The following DLG2 variants were observed in gnomAD, a reference collection of about 807,000 sequenced individuals.
DLG2 encodes the protein discs large MAGUK scaffold protein 2.
A neutral mutation model predicts 132.5 loss-of-function variants in DLG2; 45 were observed. The observed-to-expected ratio is 0.34, with a 90% CI of 0.27 to 0.44. DLG2 has a LOEUF of 0.44. DLG2 is among the 20% of genes least tolerant of loss of function. DLG2 has a pLI of 1.00. For missense variants in DLG2, 1,045 were observed against 1,196.9 expected, an observed-to-expected ratio of 0.87 and a Z score of 1.87; for synonymous variants, 424 against 419.6, an observed-to-expected ratio of 1.01 and a Z score of -0.13.
At chr11:84,283,459 A>T (rs11604154) in intron 7 of DLG2, among the ~76,000 whole-genome samples, 21,112 of 152,196 alleles carry the variant, frequency 0.14, 1,535 homozygotes, top group Admixed American at 0.21. Context: ...ATTAGTGTTT[A>T]TGAAATTAAT....
intron 4 of DLG2, among the ~76,000 whole-genome samples, chr11:85,221,138 G>T (rs1358630053): frequency 6.6e-6 from 1 of 151,740 alleles, no homozygotes; most frequent in Admixed American, 6.6e-5. Flanking sequence ...TGCCCCCTGG[G>T]TTCATGCCAT....
At chr11:84,742,458 G>T (rs2064810554) in intron 6 of DLG2, among the ~76,000 whole-genome samples, 1 of 152,184 alleles carries the variant, frequency 6.6e-6, no homozygotes, top group African/African-American at 2.4e-5. Context: ...GAATTACTCA[G>T]CAGAAACCTT....
At chr11:83,976,121 C>G (rs563020550) in intron 12 of DLG2, among the ~76,000 whole-genome samples, 2 of 151,956 alleles carry the variant, frequency 1.3e-5, no homozygotes, top group African/African-American at 4.8e-5. Context: ...AACATTATAG[C>G]TATTTTACTT....
rs930321827 is a variant in DLG2, at chr11:85,497,065, G to C, written c.40+101592C>G. On this transcript the variant is annotated intron_variant, in intron 3 of 27. Transcript: ENST00000376104. ...CCTCGCCAGCAAGGGAACAAAATGA[G>C]ATGGAGAATGAGTTTGATGAGTTGA... Among the ~76,000 whole-genome samples the C allele has an allele frequency of 2.6e-5, 4 of 152,072 alleles. No individual in the cohort carries two copies. In the East Asian group the frequency reaches 7.7e-4, roughly 29 times the overall value.
chr11:83,574,994 A>G (rs752636945), intron 19 of DLG2, among the ~76,000 whole-genome samples: 12 of 152,214 alleles, frequency 7.9e-5, no homozygotes, highest in Non-Finnish European at 1.5e-4. Context: ...ACTCATTTCC[A>G]TATTCTAAGA....
At chr11:84,799,201 T>C (rs924905569) in intron 6 of DLG2, among the ~76,000 whole-genome samples, 1 of 152,166 alleles carries the variant, frequency 6.6e-6, no homozygotes, top group Non-Finnish European at 1.5e-5. Context: ...GAGCACTTTA[T>C]CTCATGGTGG....
chr11:85,361,518 G>T (rs547130953), intron 3 of DLG2, among the ~76,000 whole-genome samples: 1 of 152,036 alleles, frequency 6.6e-6, no homozygotes, highest in Non-Finnish European at 1.5e-5. Context: ...CCATGTGTAC[G>T]CATTGTTTAG....
intron 3 of DLG2, among the ~76,000 whole-genome samples, chr11:85,305,570 T>G (rs1330500555): frequency 1.3e-5 from 2 of 152,170 alleles, no homozygotes; most frequent in Non-Finnish European, 2.9e-5. Flanking sequence ...TGGAGTGCAG[T>G]GGCGCGATCT....
At chr11:85,055,554 G>T (rs190473106) in intron 6 of DLG2, among the ~76,000 whole-genome samples, 96 of 152,192 alleles carry the variant, frequency 6.3e-4, no homozygotes, top group African/African-American at 2.3e-3. Flanking sequence ...AATGGACTGG[G>T]GAAACAAAAA....
At chr11:84,322,032 A>G (rs1006319724) in intron 7 of DLG2, among the ~76,000 whole-genome samples, 2 of 152,248 alleles carry the variant, frequency 1.3e-5, no homozygotes, top group African/African-American at 4.8e-5. Flanking sequence ...ACAGAAAGTA[A>G]GTGGTTGCTA....
At chr11:84,156,499 C>T (rs966725528) in intron 9 of DLG2, among the ~76,000 whole-genome samples, 4 of 152,158 alleles carry the variant, frequency 2.6e-5, no homozygotes, top group Non-Finnish European at 1.5e-5. Context: ...TTCCTCCCAT[C>T]CTCACTGAAG....
intron 19 of DLG2, among the ~76,000 whole-genome samples, chr11:83,617,871 G>A (rs1858401567): frequency 6.6e-6 from 1 of 152,002 alleles, no homozygotes; most frequent in South Asian, 2.1e-4. Flanking sequence ...GTGGTGCATG[G>A]CTATAGTCCC....
chr11:83,614,982 C>A (rs182369960), intron 19 of DLG2, among the ~76,000 whole-genome samples: 3 of 152,296 alleles, frequency 2.0e-5, no homozygotes, highest in East Asian at 1.9e-4. Flanking sequence ...TAGGGCAGAT[C>A]ATTCAGCATT....
intron 15 of DLG2, among the ~76,000 whole-genome samples, chr11:83,907,025 C>T (rs1461854464): frequency 2.0e-5 from 3 of 152,074 alleles, no homozygotes. Flanking sequence ...CCAAGGTCTG[C>T]AGAGGAAGAA....
chr11:84,938,787 G>A (rs890925052), intron 6 of DLG2, among the ~76,000 whole-genome samples: 9 of 152,100 alleles, frequency 5.9e-5, no homozygotes, highest in African/African-American at 9.7e-5. Context: ...CAGGAAATGA[G>A]AGCAATAAGG....
chr11:84,342,339 A>G (rs4944487), intron 7 of DLG2, among the ~76,000 whole-genome samples: 51,503 of 152,108 alleles, frequency 0.34, 10,739 homozygotes, highest in African/African-American at 0.59. Context: ...ATACAGCAGG[A>G]GTGTAATCTA....
intron 6 of DLG2, among the ~76,000 whole-genome samples, chr11:85,081,629 T>C (rs1399851485): frequency 6.6e-6 from 1 of 152,122 alleles, no homozygotes; most frequent in Non-Finnish European, 1.5e-5. Flanking sequence ...TGGAGACAGG[T>C]GGTGGCTGGT....
At chr11:84,312,951 A>G (rs1405364684) in intron 7 of DLG2, among the ~76,000 whole-genome samples, 1 of 151,172 alleles carries the variant, frequency 6.6e-6, no homozygotes, top group African/African-American at 2.4e-5. Context: ...CTGGGACTAC[A>G]GGTGCCCGCC....
chr11:85,107,772 GAAAC>G (rs1390195664), intron 6 of DLG2, among the ~76,000 whole-genome samples: 1 of 151,776 alleles, frequency 6.6e-6, no homozygotes, highest in African/African-American at 2.4e-5. Flanking sequence ...CGATAGGAGA[GAAAC>G]AAACTGCCAC....
Sources: allele counts gnomAD v4.1 joint callset (sites outside exome capture counted in the v4.1 genomes callset), GRCh38; gene constraint gnomAD v4.1.1; transcripts MANE v1.5; gene names NCBI Gene and HGNC (gene_info 2026-07-23, HGNC 2026-07-21).